Variants in UBXN2B observed in about 807,000 individuals in gnomAD.
UBXN2B encodes UBX domain-containing protein 2B.
A neutral mutation model predicts 37.5 loss-of-function variants in UBXN2B; 19 were observed. The ratio of observed to expected loss-of-function variants is 0.51; its 90% CI spans 0.35 to 0.74. The LOEUF (loss-of-function observed/expected upper bound fraction) is 0.74. Ranked by LOEUF, UBXN2B falls within the 30% of genes least tolerant of loss-of-function variation. The pLI is 0.01. For synonymous variants in UBXN2B, 145 were observed against 143.8 expected, an observed-to-expected ratio of 1.01 and a Z score of -0.06; for missense variants, 370 against 393.2, an observed-to-expected ratio of 0.94 and a Z score of 0.50.
Position 58,416,912 on chromosome 8 carries a change from T to C in UBXN2B, c.147T>C (p.Pro49=). The C allele has an allele frequency of 6.2e-7, 1 of 1,612,796 alleles. No individual in the cohort carries two copies. Among genetic ancestry groups the C allele is most frequent in the Non-Finnish European group, 8.5e-7 (1 of 1,179,050 alleles). The part of the protein sequence containing the change: ...VKCKSSKSNR[P]KATVFKSPRT... ...GCAAATCTTCCAAGTCTAATAGACC[T>C]AAAGCCACAGTCTTCAAGAGCCCAC... The change falls in exon 2 of 8, where the codon CCT becomes CCC. Residue 49 remains proline, a synonymous_variant. Transcript: ENST00000399598.
chr8:58,430,958 C>T (rs1808255725), intron 3 of UBXN2B, among the ~76,000 whole-genome samples: 1 of 152,098 alleles, frequency 6.6e-6, no homozygotes, highest in Non-Finnish European at 1.5e-5. Context: ...TCAATGGTTT[C>T]CCCCAATGGT....
rs1808248323 is a variant in UBXN2B, at chr8:58,430,642, A to G, written c.312A>G (p.Thr104=). The G allele has an allele frequency of 1.9e-6, 3 of 1,586,964 alleles. No homozygotes were observed. The highest frequency in any genetic ancestry group is 2.6e-6 in the Non-Finnish European group (3 of 1,165,726). The change falls in exon 3 of 8, where the codon ACA becomes ACG. Residue 104 remains threonine, a synonymous_variant. Transcript: ENST00000399598. ...GGGCTGTCCCTCTGAATGAAGCCAC[A>G]AGAGCTTCAGGTGATGATAAATCTA... ...EHGAVPLNEA[T]RASGDDKSKS...
At chr8:58,430,485 C>A (rs752404168) in intron 2 of UBXN2B, 34 bp from the exon 3 acceptor site, 3 of 1,440,634 alleles carry the variant, frequency 2.1e-6, no homozygotes, top group East Asian at 2.6e-5. Context: ...GTCTGTTATC[C>A]TAAGTTTTTA....
rs13252159 is a variant in UBXN2B, at chr8:58,424,692, G to A, written c.189-5827G>A. On this transcript the variant is annotated intron_variant, in intron 2 of 7. Transcript: ENST00000399598. ...CGTGGAGTTGGAGTACAAGGCGGGGGGGGGGGCTCTGATCTCCACTCGTCT... is the reference window on the plus strand; with the variant it reads ...CGTGGAGTTGGAGTACAAGGCGGGGAGGGGGGCTCTGATCTCCACTCGTCT... 129 of 1,313,112 alleles carry A rather than the reference G, an allele frequency of 9.8e-5. No homozygotes were observed. In the Middle Eastern group the frequency reaches 2.0e-3, roughly 21 times the overall value. The allele number at this position is 1,313,112 out of a possible 1,614,324, so 81.3% of individuals were successfully genotyped here.
intron 6 of UBXN2B, 100 bp from the exon 7 acceptor site, chr8:58,445,799 AAGAAGTAT>A (rs904626192): frequency 2.2e-6 from 2 of 915,240 alleles, no homozygotes; most frequent in African/African-American, 3.5e-5. Context: ...AAGAGGTTGA[AAGAAGTAT>A]AGGAGACTCA....
chr8:58,450,306 T>G lies in UBXN2B; in HGVS notation c.*2755T>G, dbSNP rs192993924. 6.6e-5 allele frequency: 10 copies of G among 152,344 alleles called. No homozygotes were observed. The highest frequency in any genetic ancestry group is 3.9e-4 in the East Asian group (2 of 5,186). 9.4% of individuals were successfully genotyped at this position (152,344 alleles called of 1,614,324 possible). On this transcript the variant is annotated 3_prime_UTR_variant, in exon 8 of 8. Transcript: ENST00000399598. Reference sequence around the variant, plus strand: ...CAGCAAGAAGACAGCAGGCTGTACCTTCCACAGCTTGCTTGGAAATATCCT... The same window carrying G: ...CAGCAAGAAGACAGCAGGCTGTACCGTCCACAGCTTGCTTGGAAATATCCT...
chr8:58,445,864 A>G (rs1223494580), intron 6 of UBXN2B, 43 bp from the exon 7 acceptor site: 7 of 1,515,288 alleles, frequency 4.6e-6, no homozygotes, highest in Non-Finnish European at 6.2e-6. Flanking sequence ...AGTTTGTCAT[A>G]TATTTTACAC....
intron 5 of UBXN2B, among the ~76,000 whole-genome samples, chr8:58,438,522 T>G (rs1808471775): frequency 1.3e-5 from 2 of 152,236 alleles, no homozygotes; most frequent in Admixed American, 6.5e-5. Flanking sequence ...CTTTAAGATT[T>G]AATGTCTGCC....
chr8:58,424,931 C>A, intron 2 of UBXN2B: 1 of 434,700 alleles, frequency 2.3e-6, no homozygotes, highest in Non-Finnish European at 4.2e-6. Flanking sequence ...ACACCTTTCT[C>A]TCTGTTGATG....
intron 6 of UBXN2B, among the ~76,000 whole-genome samples, chr8:58,440,380 A>T (rs1399599941): frequency 1.3e-5 from 2 of 152,230 alleles, no homozygotes; most frequent in Non-Finnish European, 2.9e-5. Context: ...TAAACAGCCA[A>T]ACCCTTTTTT....
rs77391173 is a variant in UBXN2B, at chr8:58,414,987, A to G, written c.85-1863A>G. Among the ~76,000 whole-genome samples, 376 of 152,248 alleles carry G rather than the reference A, an allele frequency of 2.5e-3. 3 individuals carry two copies. Among genetic ancestry groups the G allele is most frequent in the African/African-American group, 8.7e-3 (360 of 41,564 alleles). On this transcript the variant is annotated intron_variant, in intron 1 of 7. Coordinates refer to ENST00000399598, the MANE Select transcript of UBXN2B (RefSeq NM_001077619.2). ...TATAACCCCAATTTAAAATACATCT[A>G]TCTATATCTATTTCTGATTCATTTT...
rs1200712843 is a variant in UBXN2B, at chr8:58,416,902, C to T, written c.137C>T (p.Ser46Phe). Residue 46 changes from serine to phenylalanine, a missense_variant, in exon 2 of 8, where the codon TCT becomes TTT. Physicochemically the swap from Ser to Phe is radical, Grantham distance 155. Around this residue, in one of 3 missense-constraint regions of UBXN2B, gnomAD observed 197 missense variants for 170.2 expected, o/e 1.16. Transcript: ENST00000399598. ...EDEVKCKSSK[S>F]NRPKATVFKS... ...GAAGTGAAGTGCAAATCTTCCAAGT[C>T]TAATAGACCTAAAGCCACAGTCTTC... The T allele has an allele frequency of 3.7e-6, 6 of 1,612,838 alleles. No individual in the cohort carries two copies. Among genetic ancestry groups the T allele is most frequent in the Non-Finnish European group, 4.2e-6 (5 of 1,179,112 alleles).
chr8:58,420,475 A>G (rs1169077190), intron 2 of UBXN2B, among the ~76,000 whole-genome samples: 2 of 152,220 alleles, frequency 1.3e-5, no homozygotes, highest in African/African-American at 4.8e-5. Context: ...TCACATCAAA[A>G]TGATGACATC....
chr8:58,423,911 C>T (rs1015888368), intron 2 of UBXN2B, among the ~76,000 whole-genome samples: 1 of 151,604 alleles, frequency 6.6e-6, no homozygotes, highest in Admixed American at 6.6e-5. Context: ...AGTCAAAAGC[C>T]AAACTGTAAT....
intron 2 of UBXN2B, among the ~76,000 whole-genome samples, chr8:58,420,052 A>T (rs927206877): frequency 6.6e-6 from 1 of 152,244 alleles, no homozygotes; most frequent in African/African-American, 2.4e-5. Context: ...CCCTGTGTAG[A>T]AGGCAGTGGA....
intron 6 of UBXN2B, among the ~76,000 whole-genome samples, chr8:58,443,404 T>G: frequency 6.6e-6 from 1 of 152,148 alleles, no homozygotes; most frequent in Non-Finnish European, 1.5e-5. Flanking sequence ...ATTTTCTTTT[T>G]AATGTAAAAG....
At chr8:58,423,592 C>A (rs1270718497) in intron 2 of UBXN2B, among the ~76,000 whole-genome samples, 1 of 151,884 alleles carries the variant, frequency 6.6e-6, no homozygotes, top group Admixed American at 6.6e-5. Flanking sequence ...CCCGCCACCA[C>A]GCCCTGCTAA....
intron 6 of UBXN2B, among the ~76,000 whole-genome samples, chr8:58,442,212 T>C (rs1045165676): frequency 6.6e-6 from 1 of 152,186 alleles, no homozygotes; most frequent in Non-Finnish European, 1.5e-5. Context: ...ATGGAGTCTT[T>C]AGAATTTTCA....
In UBXN2B at chr8:58,446,779, ATTTTTTTTTTTTTTTTT is replaced by A. The variant is rs869090698; in HGVS notation, c.834-590_834-574del. Among the ~76,000 whole-genome samples the A allele has an allele frequency of 4.0e-3, 69 of 17,404 alleles. 1 individual carries two copies. Among genetic ancestry groups the A allele is most frequent in the African/African-American group, 7.6e-3 (34 of 4,458 alleles). 11.4% of individuals were successfully genotyped at this position (17,404 alleles called of 152,430 possible). Reference sequence around the variant, plus strand: ...ATACTCCGAAAAAAGTACAACCTGCATTTTTTTTTTTTTTTTTTTTTTTTTTTTTTTTTTTTGAGACA... The same window carrying A: ...ATACTCCGAAAAAAGTACAACCTGCATTTTTTTTTTTTTTTTTTTGAGACA... On this transcript the variant is annotated intron_variant, in intron 7 of 7. Coordinates refer to ENST00000399598, the MANE Select transcript of UBXN2B (RefSeq NM_001077619.2).
Sources: allele counts gnomAD v4.1 joint callset (sites outside exome capture counted in the v4.1 genomes callset), GRCh38; gene constraint gnomAD v4.1.1; regional missense constraint gnomAD v4.1.1; transcripts MANE v1.5; gene names NCBI Gene and HGNC (gene_info 2026-07-23, HGNC 2026-07-21).